Variants in CDHR5 observed in about 807,000 individuals in gnomAD.
CDHR5 encodes cadherin related family member 5.
Under a neutral mutation model 69.5 loss-of-function variants are expected in CDHR5, and 82 were observed. The observed-to-expected ratio is 1.18, with a 90% CI of 0.99 to 1.42. CDHR5 has a LOEUF of 1.42. CDHR5 is among the 40% of genes most tolerant of loss of function. The pLI is 0.00. For missense variants in CDHR5, 1,293 were observed against 1,168.9 expected, an observed-to-expected ratio of 1.11 and a Z score of -1.55; for synonymous variants, 601 against 510.2, an observed-to-expected ratio of 1.18 and a Z score of -2.40.
At chr11:618,182 G>C (rs1175776499) in intron 13 of CDHR5, 71 bp from the exon 14 acceptor site, 1 of 1,327,522 alleles carries the variant, frequency 7.5e-7, no homozygotes, top group Non-Finnish European at 1.0e-6. Context: ...ATGCCAACCT[G>C]TGCCAGGCTT....
intron 12 of CDHR5, 57 bp from the exon 13 acceptor site, chr11:619,237 G>T (rs1018250336): frequency 1.4e-6 from 2 of 1,470,880 alleles, no homozygotes; most frequent in African/African-American, 1.4e-5. Flanking sequence ...CACACCTACC[G>T]CGGGAAAGGA....
intron 14 of CDHR5, 82 bp from the exon 15 acceptor site, chr11:617,852 A>C: frequency 6.7e-7 from 1 of 1,489,860 alleles, no homozygotes. Context: ...CACGCTGGAC[A>C]CCCCTCCGTC....
intron 3 of CDHR5, among the ~76,000 whole-genome samples, chr11:622,872 G>A (rs61879161): frequency 0.015 from 2,239 of 152,246 alleles, 29 homozygotes; most frequent in Non-Finnish European, 0.022. Context: ...CACATTCCCC[G>A]TGGTCTCTGA....
chr11:621,563 G>T lies in CDHR5; in HGVS notation c.506C>A (p.Ala169Glu). Residue 169 changes from alanine (A) to glutamate (E), a missense_variant and splice_region_variant, in exon 5 of 15, where the codon GCA becomes GAA. Transcript: ENST00000397542. The surrounding 1 kb of genome is among the most constrained non-coding windows in gnomAD (Gnocchi z 4.4). ...ILFYTLQEMT[A>E]GASDYFSLVS... ...TGGGGCAGGGTGGGCGGCACTGACT[G>T]CTGTCATTTCCTGGAGGGTGTAGAA... 6.2e-7 allele frequency: 1 copy of T among 1,611,602 alleles called. No homozygotes were observed. Among genetic ancestry groups the T allele is most frequent in the Non-Finnish European group, 8.5e-7 (1 of 1,177,788 alleles).
In CDHR5 at chr11:619,119, C is replaced by T. The variant is rs1158944853; in HGVS notation, c.1440G>A (p.Glu480=). The T allele has an allele frequency of 6.3e-7, 1 of 1,596,816 alleles. No individual in the cohort carries two copies. Among genetic ancestry groups the T allele is most frequent in the Middle Eastern group, 1.7e-4 (1 of 5,966 alleles). Residue 480 remains glutamate (E), a synonymous_variant, in exon 13 of 15, where the codon GAG becomes GAA. Transcript: ENST00000397542. The part of the protein sequence containing the change: ...TTGPWTSTTS[E]VPRPPEPSQG... ...GGGAGGGCTCAGGGGGTCTGGGGAC[C>T]TCGGAAGTGGTGCTGGTCCAGGGCC...
At position 624,589 on chromosome 11, in the gene CDHR5, G is replaced by A; in HGVS notation, c.229C>T (p.Gln77Ter). ...TCAGGAGTCACGTTGAGAAACAGCT[G>A]GTTTCCCTGGATCCGAAATGCAAAG... Reference protein sequence around the residue: ...TPFAFRIQGNQLFLNVTPDYE... With the variant: ...TPFAFRIQGN Residue 77 changes from glutamine to a stop codon, truncating the protein, a stop_gained, in exon 2 of 15, where the codon CAG becomes TAG. Transcript: ENST00000397542. LOFTEE classifies it high-confidence loss of function. This position sits in a 1 kb window ranked among gnomAD's most constrained non-coding sequence, Gnocchi z 5.3. 6.2e-7 allele frequency: 1 copy of A among 1,609,428 alleles called. No individual in the cohort carries two copies. The highest frequency in any genetic ancestry group is 1.3e-5 in the African/African-American group (1 of 74,994).
At chr11:622,848 A>G (rs762186730) in intron 3 of CDHR5, among the ~76,000 whole-genome samples, 4 of 151,966 alleles carry the variant, frequency 2.6e-5, no homozygotes, top group Non-Finnish European at 4.4e-5. Flanking sequence ...TTCTACCTCA[A>G]ATGTCCAGGA....
In CDHR5 at chr11:621,006, C is replaced by T. The variant is rs1857342733; in HGVS notation, c.789+74G>A. ...TGACCCCGACCCCGCCCTTCCTCTC[C>T]TGATCCTGGCCGTCCCTGTGTCCAG... On this transcript the variant is annotated intron_variant, in intron 7 of 14. Coordinates refer to ENST00000397542, the MANE Select transcript of CDHR5 (RefSeq NM_021924.5). This position sits in a 1 kb window ranked among gnomAD's most constrained non-coding sequence, Gnocchi z 4.4. The T allele has an allele frequency of 2.6e-6, 3 of 1,168,704 alleles. No individual in the cohort carries two copies. Among genetic ancestry groups the T allele is most frequent in the Non-Finnish European group, 3.5e-6 (3 of 848,616 alleles). The allele number at this position is 1,168,704 out of a possible 1,614,324, so 72.4% of individuals were successfully genotyped here.
chr11:624,469 ACTC>A lies in CDHR5; in HGVS notation c.261+85_261+87del, dbSNP rs1343080232. ...GTCAGTGGATGCCCGCAGGCATAGA[ACTC>A]CTAGGCCCCCAAGGGAGGTGTGGCC... On this transcript the variant is annotated intron_variant, in intron 2 of 14. Coordinates refer to ENST00000397542, the MANE Select transcript of CDHR5 (RefSeq NM_021924.5). The surrounding 1 kb of genome is among the most constrained non-coding windows in gnomAD (Gnocchi z 5.3). 56 of 1,358,628 alleles carry A rather than the reference ACTC, an allele frequency of 4.1e-5. No homozygotes were observed. The highest frequency in any genetic ancestry group is 5.8e-5 in the Non-Finnish European group (55 of 949,700). The allele number at this position is 1,358,628 out of a possible 1,614,324, so 84.2% of individuals were successfully genotyped here.
intron 9 of CDHR5, 83 bp downstream of exon 9, chr11:619,984 C>T (rs967243205): frequency 3.1e-6 from 4 of 1,302,390 alleles, no homozygotes; most frequent in Middle Eastern, 2.7e-4. Context: ...GGGGGCCCTG[C>T]CCCGGCCCCC....
Position 624,852 on chromosome 11 carries a change from G to T in CDHR5, c.51C>A (p.Leu17=). 1 of 1,594,186 alleles carries T rather than the reference G, an allele frequency of 6.3e-7. No homozygotes were observed. The highest frequency in any genetic ancestry group is 8.5e-7 in the Non-Finnish European group (1 of 1,172,226). The stretch of plus-strand genomic sequence containing the variant: ...GGGCCATGGTCCCCGGGGGTCGGAC[G>T]AGCAGCCCGGTGAACAGCAGGGGAG... ...LWPPLLFTGL[L]VRPPGTMAQA... is the part of the protein sequence containing the mutation. The change falls in exon 1 of 15, where the codon CTC becomes CTA. Residue 17 remains leucine (L), a synonymous_variant. Transcript: ENST00000397542. This position sits in a 1 kb window ranked among gnomAD's most constrained non-coding sequence, Gnocchi z 5.3.
In CDHR5 at chr11:617,531, G is replaced by A. The variant is rs761367679; in HGVS notation, c.2358C>T (p.Gly786=). The A allele has an allele frequency of 3.7e-6, 6 of 1,612,402 alleles. No homozygotes were observed. Among genetic ancestry groups the A allele is most frequent in the East Asian group, 2.2e-5 (1 of 44,872 alleles). ...CGCCAAACCAGACAGCCTTGTACCCGCCCTCCGGCCGCCGCTCCTTGGTCA... is the reference window on the plus strand; with the variant it reads ...CGCCAAACCAGACAGCCTTGTACCCACCCTCCGGCCGCCGCTCCTTGGTCA... ...SILTKERRPE[G]GYKAVWFGED... The change falls in exon 15 of 15, where the codon GGC becomes GGT. Residue 786 remains glycine (G), a synonymous_variant. Coordinates refer to ENST00000397542, the MANE Select transcript of CDHR5 (RefSeq NM_021924.5).
chr11:618,602 A>T lies in CDHR5; in HGVS notation c.1957T>A (p.Ser653Thr). The change falls in exon 13 of 15, where the codon TCA becomes ACA. Residue 653 changes from serine to threonine, a missense_variant. By Grantham distance (58) the Ser-to-Thr change is moderately conservative (BLOSUM62 1). Transcript: ENST00000397542. ...AAGGCAACAGAGTGGGTGCTACCTG[A>T]AGATGGGGTGCTCTTGCTGAGGGGC... ...PMPLSKSTPS[S>T]GGGPSEDKRF... The T allele has an allele frequency of 6.2e-7, 1 of 1,613,926 alleles. No individual in the cohort carries two copies. The highest frequency in any genetic ancestry group is 8.5e-7 in the Non-Finnish European group (1 of 1,179,982).
In CDHR5 at chr11:618,922, C is replaced by T. The variant is rs560092853; in HGVS notation, c.1637G>A (p.Gly546Glu). The change falls in exon 13 of 15, where the codon GGA becomes GAA. Residue 546 changes from glycine to glutamate, a missense_variant. Gly to Glu is a moderately conservative substitution (Grantham distance 98). Coordinates refer to ENST00000397542, the MANE Select transcript of CDHR5 (RefSeq NM_021924.5). ...GGDTAQTPKP[G>E]TSQPMPPGVG... ...ACCGGGGGGCATCGGCTGAGAGGTT[C>T]CTGGCTTTGGGGTCTGTGCTGTGTC... is the stretch of plus-strand genomic sequence containing the variant. 1.7e-5 allele frequency: 28 copies of T among 1,607,856 alleles called. No homozygotes were observed. The East Asian group carries it at 3.4e-4, about 20-fold the overall frequency.
rs116620070 is a variant in CDHR5 at position 620,199 on chromosome 11, C to T, written c.881-35G>A. ...TGATGGAAGTGCTCAGCCCCGGCCC[C>T]CTGAGGCCCAGGGACCCAGCCAGCT... On this transcript the variant is annotated intron_variant, in intron 8 of 14. Coordinates refer to ENST00000397542, the MANE Select transcript of CDHR5 (RefSeq NM_021924.5). 2.9e-3 allele frequency: 4,705 copies of T among 1,599,966 alleles called. 137 individuals carry two copies. The African/African-American group carries it at 0.055, about 19-fold the overall frequency.
chr11:617,340 G>A lies in CDHR5; in HGVS notation c.*11C>T, dbSNP rs1375554186. 1 of 1,579,042 alleles carries A rather than the reference G, an allele frequency of 6.3e-7. No individual in the cohort carries two copies. The highest frequency in any genetic ancestry group is 1.7e-5 in the Admixed American group (1 of 58,860). On this transcript the variant is annotated 3_prime_UTR_variant, in exon 15 of 15. Transcript: ENST00000397542. ...TGCCCGTGCGGCTGGGGGAGAGGGT[G>A]GAGGGGCCACTTAGATGTAGGAGTC...
Position 617,547 on chromosome 11 carries a change from T to A in CDHR5, c.2342A>T (p.Glu781Val), listed in dbSNP as rs1414703300. ...CTTGTACCCGCCCTCCGGCCGCCGC[T>A]CCTTGGTCAGGATGGACCTCACCGC... ...PTAVRSILTK[E>V]RRPEGGYKAV... Residue 781 changes from glutamate to valine, a missense_variant, in exon 15 of 15, where the codon GAG becomes GTG. Coordinates refer to ENST00000397542, the MANE Select transcript of CDHR5 (RefSeq NM_021924.5). The A allele has an allele frequency of 6.2e-7, 1 of 1,612,316 alleles. No homozygotes were observed. The highest frequency in any genetic ancestry group is 1.1e-5 in the South Asian group (1 of 91,082).
chr11:618,169 C>T, intron 13 of CDHR5, 58 bp from the exon 14 acceptor site: 2 of 1,439,912 alleles, frequency 1.4e-6, no homozygotes, highest in Admixed American at 1.9e-5. Flanking sequence ...CCAGGCATTT[C>T]CCATGCCAAC....
Position 619,494 on chromosome 11 carries a change from C to A in CDHR5, c.1273G>T (p.Ala425Ser). 1 of 1,613,708 alleles carries A rather than the reference C, an allele frequency of 6.2e-7. No individual in the cohort carries two copies. The highest frequency in any genetic ancestry group is 1.3e-5 in the African/African-American group (1 of 75,026). Residue 425 changes from alanine to serine, a missense_variant, in exon 11 of 15, where the codon GCG (alanine) becomes TCG (serine). Physicochemically the swap from Ala to Ser is moderately conservative, Grantham distance 99 (BLOSUM62 1). Coordinates refer to ENST00000397542, the MANE Select transcript of CDHR5 (RefSeq NM_021924.5). ...CGCACCTCTGCGTAGAAGGCTCCCG[C>A]CTGTGCCAGTGTGGTGGTGGTCAGC... ...VVLTTTTLAQ[A>S]GAFYAEVEAH...
Sources: allele counts gnomAD v4.1 joint callset (sites outside exome capture counted in the v4.1 genomes callset), GRCh38; gene constraint gnomAD v4.1.1; non-coding constraint Gnocchi (gnomAD v3.1); transcripts MANE v1.5; gene names NCBI Gene and HGNC (gene_info 2026-07-23, HGNC 2026-07-21).